SGCZ: variants seen among roughly 807,000 people sequenced by gnomAD.
The protein encoded by SGCZ is sarcoglycan zeta, also known as zeta-sarcoglycan.
Under a neutral mutation model 41.3 loss-of-function variants are expected in SGCZ, and 40 were observed. That is an observed-to-expected ratio of 0.97 (90% CI 0.75 to 1.26). The LOEUF is 1.26. Ranked by LOEUF, SGCZ falls within the 50% of genes most tolerant of loss-of-function variation. SGCZ has a pLI of 0.00. For synonymous variants in SGCZ, 206 were observed against 137.5 expected (o/e 1.50, Z -3.49); for missense variants, 552 against 369.8 (o/e 1.49, Z -4.04).
At chr8:15,122,939 C>T (rs1291093291) in intron 1 of SGCZ, among the ~76,000 whole-genome samples, 4 of 152,130 alleles carry the variant, frequency 2.6e-5, no homozygotes, top group Non-Finnish European at 5.9e-5. Context: ...TTTGGAAACA[C>T]TGAGCTTTCA....
At chr8:15,102,727 G>A (rs563342140) in intron 1 of SGCZ, among the ~76,000 whole-genome samples, 1 of 152,136 alleles carries the variant, frequency 6.6e-6, no homozygotes, top group South Asian at 2.1e-4. Context: ...GTTTATATTG[G>A]TAAAAGGCAC....
chr8:14,326,010 G>T (rs369439630), intron 2 of SGCZ, among the ~76,000 whole-genome samples: 2 of 146,410 alleles, frequency 1.4e-5, no homozygotes, highest in African/African-American at 5.0e-5. Context: ...TACTCGGAAG[G>T]CTGAGGCAGG....
intron 1 of SGCZ, among the ~76,000 whole-genome samples, 181 bp from the exon 2 acceptor site, chr8:14,555,107 A>G (rs1803994699): frequency 1.3e-5 from 2 of 152,004 alleles, no homozygotes; most frequent in South Asian, 4.1e-4. Context: ...ATTTTGTTCA[A>G]TATAGTTTTT....
chr8:14,250,133 A>G (rs976266289), intron 3 of SGCZ, among the ~76,000 whole-genome samples: 3 of 152,236 alleles, frequency 2.0e-5, no homozygotes. Context: ...TTACTCTTTG[A>G]GTAGAATGAC....
At chr8:14,861,311 T>A (rs1020773715) in intron 1 of SGCZ, among the ~76,000 whole-genome samples, 11 of 152,138 alleles carry the variant, frequency 7.2e-5, no homozygotes, top group Admixed American at 7.2e-4. Flanking sequence ...CTTATTTAGG[T>A]CCTTCCTGAA....
chr8:14,591,044 A>G (rs962875847), intron 1 of SGCZ, among the ~76,000 whole-genome samples: 3 of 151,428 alleles, frequency 2.0e-5, no homozygotes, highest in Admixed American at 6.6e-5. Context: ...TGAGATTCCA[A>G]GAGACTTGCT....
At chr8:14,671,436 T>C (rs1487000898) in intron 1 of SGCZ, among the ~76,000 whole-genome samples, 1 of 152,224 alleles carries the variant, frequency 6.6e-6, no homozygotes, top group East Asian at 1.9e-4. Flanking sequence ...GTTTGAAAAG[T>C]ATTACATATT....
At chr8:14,541,974 G>C (rs1170487129) in intron 2 of SGCZ, among the ~76,000 whole-genome samples, 3 of 151,956 alleles carry the variant, frequency 2.0e-5, no homozygotes, top group African/African-American at 7.3e-5. Flanking sequence ...TTTTTGATGA[G>C]GCTTTTTGTT....
chr8:14,733,430 G>A (rs1343167864), intron 1 of SGCZ, among the ~76,000 whole-genome samples: 2 of 152,042 alleles, frequency 1.3e-5, no homozygotes, highest in African/African-American at 4.8e-5. Context: ...CTAGAAATCG[G>A]TGCAGACAAA....
At chr8:14,115,420 C>T (rs1802493420) in intron 5 of SGCZ, among the ~76,000 whole-genome samples, 3 of 151,752 alleles carry the variant, frequency 2.0e-5, no homozygotes, top group Admixed American at 2.0e-4. Flanking sequence ...CATGAGCTAC[C>T]CATACTGTCA....
chr8:15,153,741 T>C (rs1287845556), intron 1 of SGCZ, among the ~76,000 whole-genome samples: 1 of 152,130 alleles, frequency 6.6e-6, no homozygotes, highest in Non-Finnish European at 1.5e-5. Flanking sequence ...GAAAAGTTTC[T>C]CCAAGCCTCC....
chr8:15,088,249 G>T lies in SGCZ; in HGVS notation c.39+149336C>A, dbSNP rs559263381. 2.6e-5 allele frequency among the ~76,000 whole-genome samples: 4 copies of T among 152,234 alleles called. No homozygotes were observed. The South Asian group carries it at 8.3e-4, about 32-fold the overall frequency. On this transcript the variant is annotated intron_variant, in intron 1 of 7. Transcript: ENST00000382080. ...GCCTACATTTACACACGCAGTAAGC[G>T]TTAAAACTGAGATTCAAGCTCTTTC...
chr8:14,930,071 T>G (rs1799882921), intron 1 of SGCZ, among the ~76,000 whole-genome samples: 1 of 152,094 alleles, frequency 6.6e-6, no homozygotes, highest in Admixed American at 6.5e-5. Context: ...AGTTGTTCTT[T>G]ATTAAACTGG....
chr8:14,357,392 C>A (rs1803337019), intron 2 of SGCZ, among the ~76,000 whole-genome samples: 1 of 152,128 alleles, frequency 6.6e-6, no homozygotes. Flanking sequence ...ACTGAAAATT[C>A]TTCGCAACAT....
intron 1 of SGCZ, among the ~76,000 whole-genome samples, chr8:14,754,036 G>A (rs890925128): frequency 6.6e-6 from 1 of 152,088 alleles, no homozygotes; most frequent in Non-Finnish European, 1.5e-5. Context: ...AAAAAAGTTT[G>A]TTGCTTTGTT....
At chr8:14,759,116 A>G (rs1248078592) in intron 1 of SGCZ, among the ~76,000 whole-genome samples, 1 of 152,274 alleles carries the variant, frequency 6.6e-6, no homozygotes, top group African/African-American at 2.4e-5. Context: ...CAATATATTT[A>G]TAAATACTGA....
chr8:14,239,032 G>GT (rs200266975), intron 3 of SGCZ, among the ~76,000 whole-genome samples: 4,487 of 150,244 alleles, frequency 0.03, 208 homozygotes, highest in African/African-American at 0.1. Context: ...AAAAAGTCTA[G>GT]TTTTTTTTTC....
chr8:14,092,441 T>A (rs1244228973), intron 7 of SGCZ, among the ~76,000 whole-genome samples: 5 of 152,074 alleles, frequency 3.3e-5, no homozygotes, highest in Non-Finnish European at 5.9e-5. Flanking sequence ...TTAATACTCA[T>A]AAAAGTGTGT....
chr8:15,085,527 G>A (rs950091479), intron 1 of SGCZ, among the ~76,000 whole-genome samples: 4 of 152,100 alleles, frequency 2.6e-5, no homozygotes, highest in Admixed American at 2.6e-4. Context: ...GGAGGATGTG[G>A]GATATGACAT....
Sources: gnomAD v4.1 joint callset for allele counts (sites outside exome capture counted in the v4.1 genomes callset) on GRCh38, gnomAD v4.1.1 for gene constraint, MANE v1.5 for transcripts, NCBI Gene and HGNC (gene_info 2026-07-23, HGNC 2026-07-21) for gene names.